Variants in ARHGAP29 observed in about 807,000 individuals in gnomAD.
The protein encoded by ARHGAP29 is Rho GTPase activating protein 29.
A neutral mutation model predicts 122.6 loss-of-function variants in ARHGAP29; 43 were observed. The ratio of observed to expected loss-of-function variants is 0.35; its 90% CI spans 0.27 to 0.45. The LOEUF is 0.45. Ranked by LOEUF, ARHGAP29 falls within the 20% of genes least tolerant of loss-of-function variation. The probability of loss-of-function intolerance (pLI) is 1.00; values close to 1 mark genes in which losing one functional copy is unlikely to be tolerated. For missense variants in ARHGAP29, 1,303 were observed against 1,477.2 expected (o/e 0.88, Z 1.93); for synonymous variants, 506 against 497.1 (o/e 1.02, Z -0.24).
the ARHGAP29 span, among the ~76,000 whole-genome samples, chr1:94,309,216 T>C: frequency 1.3e-5 from 2 of 152,220 alleles, no homozygotes; most frequent in African/African-American, 4.8e-5. Context: ...AACAAACTTA[T>C]GAGAGAGCCA....
Position 94,169,515 on chromosome 1 carries a change from G to A in ARHGAP29, c.*4354C>T, listed in dbSNP as rs1277844405. Among the ~76,000 whole-genome samples, 1 of 152,168 alleles carries A rather than the reference G, an allele frequency of 6.6e-6. No individual in the cohort carries two copies. The highest frequency in any genetic ancestry group is 2.4e-5 in the African/African-American group (1 of 41,434). ...AGAAGGAAGTTACAAAGATGGAAAG[G>A]GAGACTAGATTAACCTCAAAGGATT... On this transcript the variant is annotated 3_prime_UTR_variant, in exon 23 of 23. Transcript: ENST00000260526.
intron 12 of ARHGAP29, among the ~76,000 whole-genome samples, chr1:94,197,072 G>T (rs1345412161): frequency 6.6e-6 from 1 of 151,996 alleles, no homozygotes; most frequent in African/African-American, 2.4e-5. Flanking sequence ...GAAACTAAAT[G>T]CTATTTCTTT....
At chr1:94,185,202 AAT>A in intron 17 of ARHGAP29, 138 bp downstream of exon 17, 1 of 1,214,186 alleles carries the variant, frequency 8.2e-7, no homozygotes, top group Non-Finnish European at 1.1e-6. Context: ...AACAAAATAA[AAT>A]ATAAAATTAT....
chr1:94,231,719 A>T (rs1652930238), intron 1 of ARHGAP29, 76 bp from the exon 2 acceptor site: 2 of 1,087,760 alleles, frequency 1.8e-6, no homozygotes, highest in African/African-American at 3.2e-5. Context: ...AGCCAGGGAA[A>T]TATTACACTA....
chr1:94,235,801 A>G (rs1161619835), intron 1 of ARHGAP29, among the ~76,000 whole-genome samples: 1 of 152,208 alleles, frequency 6.6e-6, no homozygotes, highest in East Asian at 1.9e-4. Flanking sequence ...TTGTAAATCT[A>G]AGTGTTGTGT....
At chr1:94,200,365 T>C (rs1650762449) in intron 12 of ARHGAP29, among the ~76,000 whole-genome samples, 1 of 152,172 alleles carries the variant, frequency 6.6e-6, no homozygotes. Flanking sequence ...AACACACCTA[T>C]TGGAACAGCT....
intron 3 of ARHGAP29, among the ~76,000 whole-genome samples, chr1:94,212,582 TTG>T (rs1226296191): frequency 6.6e-6 from 1 of 152,234 alleles, no homozygotes; most frequent in African/African-American, 2.4e-5. Context: ...TCTTACTTTC[TTG>T]TATTTTTTTA....
intron 3 of ARHGAP29, among the ~76,000 whole-genome samples, chr1:94,215,816 A>T (rs1651926858): frequency 6.6e-6 from 1 of 152,182 alleles, no homozygotes; most frequent in South Asian, 2.1e-4. Context: ...TTAATCAAAG[A>T]CTAAAGGCTA....
chr1:94,184,816 T>G (rs1390812978), intron 18 of ARHGAP29, 56 bp downstream of exon 18: 2 of 1,354,676 alleles, frequency 1.5e-6, no homozygotes, highest in East Asian at 4.8e-5. Context: ...TCCTTTTCAT[T>G]AGAATAGGTT....
chr1:94,177,601 T>C lies in ARHGAP29; in HGVS notation c.2905+11A>G. 1 of 1,581,754 alleles carries C rather than the reference T, an allele frequency of 6.3e-7. No individual in the cohort carries two copies. The highest frequency in any genetic ancestry group is 8.6e-7 in the Non-Finnish European group (1 of 1,164,494). On this transcript the variant is annotated intron_variant, in intron 22 of 22. Coordinates refer to ENST00000260526, the MANE Select transcript of ARHGAP29 (RefSeq NM_004815.4). ...CCAGCAAACATATTTTTTTTTTACA[T>C]GGCTACTCACCACTGAGACATGCAT...
chr1:94,259,698 C>A (rs1654484747), intron 1 of ARHGAP29, among the ~76,000 whole-genome samples: 1 of 152,184 alleles, frequency 6.6e-6, no homozygotes, highest in African/African-American at 2.4e-5. Context: ...ACTACAGAGG[C>A]AGCATGGGCC....
At chr1:94,247,759 G>T in intron 1 of ARHGAP29, 1 of 577,804 alleles carries the variant, frequency 1.7e-6, no homozygotes, top group Non-Finnish European at 2.2e-6. Context: ...CGCCACGGCT[G>T]CGCCGGCCGC....
chr1:94,236,962 TG>T (rs1475359316), intron 1 of ARHGAP29, among the ~76,000 whole-genome samples: 3 of 152,182 alleles, frequency 2.0e-5, no homozygotes, highest in Non-Finnish European at 4.4e-5. Flanking sequence ...GTTTAGGTCC[TG>T]ACGCTGCCAA....
At chr1:94,177,520 T>C in intron 22 of ARHGAP29, 92 bp downstream of exon 22, 1 of 905,204 alleles carries the variant, frequency 1.1e-6, no homozygotes, top group Non-Finnish European at 1.6e-6. Context: ...TTCTCTGGCT[T>C]CCCTCATTGC....
Position 94,196,250 on chromosome 1 carries a change from G to GTTTT in ARHGAP29, c.1281+5466_1281+5469dup, listed in dbSNP as rs1557852105. Among the ~76,000 whole-genome samples the GTTTT allele has an allele frequency of 5.6e-4, 22 of 39,070 alleles. 1 individual carries two copies. The highest frequency in any genetic ancestry group is 1.3e-3 in the African/African-American group (18 of 13,852). The allele number at this position is 39,070 out of a possible 152,430, so 25.6% of individuals were successfully genotyped here. A position where few individuals can be genotyped will look rare whatever the true frequency, so the allele number is the denominator to read the frequency against. ...CAGCTTTTAGTTTCGATTTTTCCGT[G>GTTTT]TTTTTCTTTTTTTTTTTTTTTTTTT... On this transcript the variant is annotated intron_variant, in intron 12 of 22. Coordinates refer to ENST00000260526, the MANE Select transcript of ARHGAP29 (RefSeq NM_004815.4).
chr1:94,208,618 C>A (rs1446906538), intron 5 of ARHGAP29, among the ~76,000 whole-genome samples: 1 of 151,918 alleles, frequency 6.6e-6, no homozygotes, highest in Non-Finnish European at 1.5e-5. Flanking sequence ...CACCACCATG[C>A]CCAGCTAATT....
At chr1:94,302,756 C>A in the ARHGAP29 span, 6 of 338,580 alleles carry the variant, frequency 1.8e-5, no homozygotes, top group African/African-American at 1.3e-4. Flanking sequence ...TGGACCTGAC[C>A]TGCTCTCTGG....
the ARHGAP29 span, among the ~76,000 whole-genome samples, chr1:94,305,521 T>A: frequency 1.3e-5 from 2 of 152,160 alleles, no homozygotes; most frequent in Admixed American, 6.5e-5. Flanking sequence ...GAGCCATAGA[T>A]AACTATTAGG....
In ARHGAP29 at chr1:94,266,351, T is replaced by C. The variant is rs148053782; in HGVS notation, c.-33+8661A>G. The stretch of plus-strand genomic sequence containing the variant: ...TAGAAACTCCTGGGGCCCGTGCTAG[T>C]CCAGAAACTCCTCTCAACAAATCAA... On this transcript the variant is annotated intron_variant and NMD_transcript_variant, in intron 1 of 25. Transcript: ENST00000552844. Among the ~76,000 whole-genome samples, 1,374 of 152,304 alleles carry C rather than the reference T, an allele frequency of 9.0e-3. 19 individuals carry two copies. The highest frequency in any genetic ancestry group is 0.03 in the African/African-American group (1,257 of 41,564).
Sources: gnomAD v4.1 joint callset for allele counts (sites outside exome capture counted in the v4.1 genomes callset) on GRCh38, gnomAD v4.1.1 for gene constraint, MANE v1.5 for transcripts, NCBI Gene and HGNC (gene_info 2026-07-23, HGNC 2026-07-21) for gene names.